Variants in MARK3 observed in about 807,000 individuals in gnomAD.
MARK3 encodes MAP/microtubule affinity-regulating kinase 3.
MARK3 carries 46 observed loss-of-function variants against 90.1 expected under a neutral mutation model. That is an observed-to-expected ratio of 0.51 (90% CI 0.40 to 0.65). The LOEUF (loss-of-function observed/expected upper bound fraction) is 0.65. Among genes scored for constraint, MARK3 ranks in the 30% least tolerant of loss-of-function variants. MARK3 has a pLI of 0.00. For synonymous variants in MARK3, 321 were observed against 332.6 expected (o/e 0.97, Z 0.38); for missense variants, 818 against 947.2 (o/e 0.86, Z 1.79).
intron 12 of MARK3, among the ~76,000 whole-genome samples, chr14:103,473,048 G>A (rs2093657683): frequency 6.6e-6 from 1 of 151,458 alleles, no homozygotes; most frequent in Non-Finnish European, 1.5e-5. Context: ...GCACAACTCA[G>A]ATGGATCTCA....
chr14:103,425,029 C>T (rs1595604749), intron 2 of MARK3, among the ~76,000 whole-genome samples: 1 of 151,310 alleles, frequency 6.6e-6, no homozygotes, highest in African/African-American at 2.4e-5. Context: ...CAACCTCTAC[C>T]TCCCAAATTC....
intron 6 of MARK3, among the ~76,000 whole-genome samples, chr14:103,458,454 C>CA (rs36020485): frequency 0.69 from 21,512 of 31,096 alleles, 8,197 homozygotes; most frequent in Non-Finnish European, 0.79. Context: ...GACTCCATCT[C>CA]AAAAAAAAAA....
At chr14:103,445,426 C>G (rs1036439951) in intron 3 of MARK3, among the ~76,000 whole-genome samples, 10 of 152,192 alleles carry the variant, frequency 6.6e-5, no homozygotes, top group African/African-American at 2.4e-4. Flanking sequence ...CTGCCAGTAT[C>G]TACCTAATAC....
chr14:103,406,144 C>T (rs1424207752), intron 2 of MARK3, among the ~76,000 whole-genome samples: 1 of 152,044 alleles, frequency 6.6e-6, no homozygotes, highest in East Asian at 1.9e-4. Flanking sequence ...AGTCCTCCTG[C>T]CTCAACCTCC....
chr14:103,392,629 C>A (rs1039236427), intron 1 of MARK3, among the ~76,000 whole-genome samples: 2 of 152,058 alleles, frequency 1.3e-5, no homozygotes, highest in East Asian at 3.9e-4. Context: ...AGGAAGATTT[C>A]CAGACCATTT....
chr14:103,503,483 G>T lies in MARK3; in HGVS notation c.*256G>T. 2.0e-6 allele frequency: 1 copy of T among 492,370 alleles called. No homozygotes were observed. The highest frequency in any genetic ancestry group is 2.4e-5 in the South Asian group (1 of 41,154). 30.5% of individuals were successfully genotyped at this position (492,370 alleles called of 1,614,324 possible). ...TCGGTGTGTGGCCCCATCTCCATGT[G>T]CCTCCCGTCTGGGTGGGTGTGAGAG... On this transcript the variant is annotated 3_prime_UTR_variant, in exon 18 of 18. Transcript: ENST00000429436.
At chr14:103,405,781 T>C (rs1412506282) in intron 2 of MARK3, among the ~76,000 whole-genome samples, 1 of 148,544 alleles carries the variant, frequency 6.7e-6, no homozygotes. Context: ...TGTATTTTTG[T>C]AGAGACGGGG....
intron 2 of MARK3, among the ~76,000 whole-genome samples, chr14:103,407,554 C>CTTTTTTTTTTTTTTTTTTTTTT (rs71460673): frequency 1.4e-5 from 1 of 71,660 alleles, no homozygotes; most frequent in African/African-American, 5.8e-5. Context: ...TGTTTTGCCT[C>CTTTTTTTTTTTTTTTTTTTTTT]TTTTTTTTTT....
intron 4 of MARK3, among the ~76,000 whole-genome samples, chr14:103,449,383 C>T (rs1364580292): frequency 1.5e-5 from 2 of 130,856 alleles, no homozygotes; most frequent in African/African-American, 3.0e-5. Context: ...CAAGACCAGC[C>T]TAAGCAACAG....
intron 2 of MARK3, among the ~76,000 whole-genome samples, chr14:103,416,401 A>C (rs2091944827): frequency 6.6e-6 from 1 of 152,222 alleles, no homozygotes. Flanking sequence ...GGTGCTGTCG[A>C]AGAGATTTTG....
intron 3 of MARK3, among the ~76,000 whole-genome samples, chr14:103,437,487 A>C (rs2092744421): frequency 6.6e-6 from 1 of 152,200 alleles, no homozygotes; most frequent in African/African-American, 2.4e-5. Flanking sequence ...TATCTTGCCC[A>C]AGCTGGTCTC....
intron 1 of MARK3, among the ~76,000 whole-genome samples, chr14:103,397,404 G>T (rs908920934): frequency 2.1e-5 from 3 of 145,868 alleles, no homozygotes; most frequent in Non-Finnish European, 4.5e-5. Flanking sequence ...TCGGCTCACC[G>T]CAACCTCCGC....
chr14:103,465,467 A>G (rs1400311905), intron 7 of MARK3, 90 bp from the exon 8 acceptor site: 4 of 854,768 alleles, frequency 4.7e-6, no homozygotes, highest in African/African-American at 1.7e-5. Flanking sequence ...TCATATCATT[A>G]CAGAAAGCTT....
chr14:103,497,982 C>T (rs1013986952), intron 15 of MARK3, among the ~76,000 whole-genome samples: 2 of 152,090 alleles, frequency 1.3e-5, no homozygotes, highest in African/African-American at 2.4e-5. Flanking sequence ...TCTGGGAGGC[C>T]GAGGTGGGCT....
intron 2 of MARK3, among the ~76,000 whole-genome samples, chr14:103,414,546 G>A (rs750080108): frequency 2.6e-5 from 4 of 152,126 alleles, no homozygotes; most frequent in Admixed American, 6.6e-5. Context: ...TTTTGTCAGC[G>A]TTCTCTTGCC....
chr14:103,406,592 TGTTTTG>T (rs1252295195), intron 2 of MARK3, among the ~76,000 whole-genome samples: 1 of 150,912 alleles, frequency 6.6e-6, no homozygotes, highest in Non-Finnish European at 1.5e-5. Flanking sequence ...GGGAGTTTTT[TGTTTTG>T]TTTTTGTTTT....
intron 3 of MARK3, among the ~76,000 whole-genome samples, chr14:103,438,268 G>T (rs998872964): frequency 1.3e-5 from 2 of 152,214 alleles, no homozygotes; most frequent in Non-Finnish European, 2.9e-5. Flanking sequence ...TTCCCAAAGT[G>T]CTGGGATTAC....
intron 2 of MARK3, among the ~76,000 whole-genome samples, chr14:103,427,820 C>T (rs893672746): frequency 2.0e-5 from 3 of 152,152 alleles, no homozygotes; most frequent in Non-Finnish European, 2.9e-5. Flanking sequence ...TCACTTTCAT[C>T]GCCATCTTGG....
chr14:103,412,336 C>T, intron 2 of MARK3: 2 of 629,308 alleles, frequency 3.2e-6, no homozygotes, highest in East Asian at 2.8e-5. Flanking sequence ...CCACTTTGGC[C>T]ACCGTGTTTT....
Sources: allele counts gnomAD v4.1 joint callset (sites outside exome capture counted in the v4.1 genomes callset), GRCh38; gene constraint gnomAD v4.1.1; transcripts MANE v1.5; gene names NCBI Gene and HGNC (gene_info 2026-07-23, HGNC 2026-07-21).